MAP3K13: variants seen among roughly 807,000 people sequenced by gnomAD.
The protein encoded by MAP3K13 is leucine zipper-bearing kinase.
Under a neutral mutation model 104.0 loss-of-function variants are expected in MAP3K13, and 52 were observed. That is an observed-to-expected ratio of 0.50 (90% CI 0.40 to 0.63). The LOEUF (loss-of-function observed/expected upper bound fraction) is 0.63. MAP3K13 is among the 20% of genes least tolerant of loss of function. The pLI, the probability that MAP3K13 is intolerant of heterozygous loss-of-function variation, is 0.00. For synonymous variants in MAP3K13, 394 were observed against 442.2 expected, an observed-to-expected ratio of 0.89 and a Z score of 1.37; for missense variants, 914 against 1,218.5, an observed-to-expected ratio of 0.75 and a Z score of 3.72.
At chr3:185,459,009 A>G (rs1411502576) in intron 7 of MAP3K13, among the ~76,000 whole-genome samples, 1 of 152,166 alleles carries the variant, frequency 6.6e-6, no homozygotes, top group East Asian at 1.9e-4. Flanking sequence ...ACTGTCACCC[A>G]ATTCCAGATC....
intron 1 of MAP3K13, among the ~76,000 whole-genome samples, chr3:185,409,625 A>T (rs1319493327): frequency 6.6e-6 from 1 of 152,154 alleles, no homozygotes; most frequent in Non-Finnish European, 1.5e-5. Flanking sequence ...CAGCAACCCC[A>T]CTACTGAGTA....
In MAP3K13 at chr3:185,473,893, A is replaced by G; in HGVS notation, c.2430+132A>G. ...AAAGGACAAGATAACAGAAACATAA[A>G]TAGAAATTTATTTTACTTTAAATTC... On this transcript the variant is annotated intron_variant, in intron 11 of 13. Transcript: ENST00000265026. The surrounding 1 kb of genome is among the most constrained non-coding windows in gnomAD (Gnocchi z 4.9). 1 of 1,022,388 alleles carries G rather than the reference A, an allele frequency of 9.8e-7. No homozygotes were observed. The highest frequency in any genetic ancestry group is 2.7e-5 in the Admixed American group (1 of 37,004). 63.3% of individuals were successfully genotyped at this position (1,022,388 alleles called of 1,614,324 possible). A position where few individuals can be genotyped will look rare whatever the true frequency, so the allele number is the denominator to read the frequency against.
At chr3:185,413,246 G>C (rs1403524465) in intron 1 of MAP3K13, among the ~76,000 whole-genome samples, 1 of 152,108 alleles carries the variant, frequency 6.6e-6, no homozygotes, top group African/African-American at 2.4e-5. Context: ...TGTACGAAGG[G>C]AGCCACAATG....
Position 185,311,401 on chromosome 3 carries a change from A to G in MAP3K13, c.-86+25758A>G, listed in dbSNP as rs545429605. 7.4e-4 allele frequency among the ~76,000 whole-genome samples: 113 copies of G among 152,310 alleles called. No homozygotes were observed. The Middle Eastern group carries it at 0.01, about 14-fold the overall frequency. ...GATTATTCACTATCATGAGAATAGCATGGGAAAGACCAGCCCCCATGATTC... is the reference window on the plus strand; with the variant it reads ...GATTATTCACTATCATGAGAATAGCGTGGGAAAGACCAGCCCCCATGATTC... On this transcript the variant is annotated intron_variant, in intron 2 of 14. Coordinates refer to the MAP3K13 transcript ENST00000424227.
In MAP3K13 at chr3:185,477,364, A is replaced by G; in HGVS notation, c.2469A>G (p.Val823=). The part of the protein sequence containing the change: ...DDSSEEEEGE[V]DSEVEFPRRQ... ...CCTCAGAAGAGGAAGAAGGGGAAGT[A>G]GATAGTGAAGTTGAATTTCCACGAA... Residue 823 remains valine, a synonymous_variant, in exon 12 of 14, where the codon GTA becomes GTG. Coordinates refer to ENST00000265026, the MANE Select transcript of MAP3K13 (RefSeq NM_004721.5). 6.2e-7 allele frequency: 1 copy of G among 1,613,054 alleles called. No individual in the cohort carries two copies. The highest frequency in any genetic ancestry group is 2.2e-5 in the East Asian group (1 of 44,890).
chr3:185,466,429 T>C (rs1717433253), intron 9 of MAP3K13, among the ~76,000 whole-genome samples: 1 of 139,996 alleles, frequency 7.1e-6, no homozygotes, highest in Non-Finnish European at 1.5e-5. Context: ...CAGGCTGGAG[T>C]GCAGTGACAT....
At chr3:185,468,852 A>G (rs1439178441) in intron 10 of MAP3K13, among the ~76,000 whole-genome samples, 1 of 152,208 alleles carries the variant, frequency 6.6e-6, no homozygotes, top group African/African-American at 2.4e-5. Flanking sequence ...CTAATTAGGG[A>G]CAGAGTCTGC....
chr3:185,324,561 A>G (rs566164324), intron 2 of MAP3K13, among the ~76,000 whole-genome samples: 1 of 152,216 alleles, frequency 6.6e-6, no homozygotes, highest in Admixed American at 6.5e-5. Context: ...CACCCCTGCT[A>G]TGACCAGCCT....
chr3:185,395,809 C>A (rs1020590314), intron 1 of MAP3K13, among the ~76,000 whole-genome samples: 35 of 151,914 alleles, frequency 2.3e-4, no homozygotes, highest in Non-Finnish European at 1.0e-4. Context: ...CTCAGCCTCC[C>A]AAGTAGCTGG....
intron 1 of MAP3K13, among the ~76,000 whole-genome samples, chr3:185,367,159 T>G (rs1723928164): frequency 6.6e-6 from 1 of 152,180 alleles, no homozygotes; most frequent in Admixed American, 6.5e-5. Flanking sequence ...TTCAGTTGTT[T>G]GAGTAATATT....
At chr3:185,422,243 A>T (rs1236880794) in intron 1 of MAP3K13, among the ~76,000 whole-genome samples, 1 of 152,228 alleles carries the variant, frequency 6.6e-6, no homozygotes. Context: ...TTTCTCTTCA[A>T]ATAAACAAAC....
In MAP3K13 at chr3:185,449,885, C is replaced by T. The variant is rs1240281769; in HGVS notation, c.1011-15C>T. On this transcript the variant is annotated splice_polypyrimidine_tract_variant and intron_variant, in intron 5 of 13. Transcript: ENST00000265026. The stretch of plus-strand genomic sequence containing the variant: ...TCTGAAACATCTTCTGTCCATGTTC[C>T]CGGCGCTACTGTAGGTCTTTTGGAG... The T allele has an allele frequency of 6.3e-7, 1 of 1,584,104 alleles. No individual in the cohort carries two copies. Among genetic ancestry groups the T allele is most frequent in the African/African-American group, 1.4e-5 (1 of 73,342 alleles).
intron 7 of MAP3K13, among the ~76,000 whole-genome samples, chr3:185,457,571 C>T (rs946765919): frequency 2.0e-5 from 3 of 152,166 alleles, no homozygotes; most frequent in African/African-American, 7.2e-5. Context: ...GCCCTCATGA[C>T]CTAATTACTT....
chr3:185,284,060 A>G (rs1231284153), intron 1 of MAP3K13, among the ~76,000 whole-genome samples: 4 of 151,238 alleles, frequency 2.6e-5, no homozygotes, highest in East Asian at 1.9e-4. Context: ...CACCACCCCC[A>G]GCTAATTTTT....
chr3:185,283,442 C>A (rs1245705404), intron 1 of MAP3K13, among the ~76,000 whole-genome samples: 2 of 152,048 alleles, frequency 1.3e-5, no homozygotes, highest in South Asian at 2.1e-4. Flanking sequence ...TAGTGCCTTG[C>A]GACAAGTAGG....
chr3:185,453,563 G>T (rs1396418899), intron 7 of MAP3K13, among the ~76,000 whole-genome samples: 1 of 151,720 alleles, frequency 6.6e-6, no homozygotes, highest in Non-Finnish European at 1.5e-5. Context: ...GAGGTCAAGA[G>T]ATTGAGACCA....
intron 10 of MAP3K13, among the ~76,000 whole-genome samples, chr3:185,471,308 T>TTCTC (rs61268590): frequency 1.9e-4 from 25 of 133,354 alleles, no homozygotes; most frequent in Admixed American, 1.5e-4. Flanking sequence ...GACCTTTGCT[T>TTCTC]TTTTTTTTTT....
chr3:185,408,836 G>A (rs542757128), intron 1 of MAP3K13, among the ~76,000 whole-genome samples: 3 of 152,206 alleles, frequency 2.0e-5, no homozygotes, highest in East Asian at 1.9e-4. Flanking sequence ...GCTTCATTAC[G>A]ATCTGATTTA....
intron 1 of MAP3K13, among the ~76,000 whole-genome samples, chr3:185,408,917 C>A (rs1358312980): frequency 6.6e-6 from 1 of 152,088 alleles, no homozygotes; most frequent in Non-Finnish European, 1.5e-5. Context: ...CTGTTTTTGG[C>A]CAACTCACTA....
Sources: gnomAD v4.1 joint callset for allele counts (sites outside exome capture counted in the v4.1 genomes callset) on GRCh38, gnomAD v4.1.1 for gene constraint, Gnocchi (gnomAD v3.1) non-coding constraint, MANE v1.5 for transcripts, NCBI Gene and HGNC (gene_info 2026-07-23, HGNC 2026-07-21) for gene names.